RSRP1: variants seen among roughly 807,000 people sequenced by gnomAD.
RSRP1 encodes the protein arginine/serine-rich protein 1.
In RSRP1, 37 loss-of-function variants were observed where a neutral mutation model predicts 33.0. The observed-to-expected ratio is 1.12, with a 90% CI of 0.86 to 1.48. The LOEUF (loss-of-function observed/expected upper bound fraction) is 1.48. Ranked by LOEUF, RSRP1 falls within the 40% of genes most tolerant of loss-of-function variation. The pLI is 0.00. For missense variants in RSRP1, 402 were observed against 385.3 expected (o/e 1.04, Z -0.36); for synonymous variants, 167 against 158.7 (o/e 1.05, Z -0.40).
chr1:25,261,149 C>A (rs1021209705), intron 1 of RSRP1, among the ~76,000 whole-genome samples: 1 of 152,132 alleles, frequency 6.6e-6, no homozygotes, highest in African/African-American at 2.4e-5. Flanking sequence ...GGGCTCCACC[C>A]TCATGACCTC....
At chr1:25,285,145 T>C (rs552765155) in intron 1 of RSRP1, among the ~76,000 whole-genome samples, 1 of 133,248 alleles carries the variant, frequency 7.5e-6, no homozygotes, top group Admixed American at 7.2e-5. Context: ...TTTTTTTTTT[T>C]TTTTTTGAGA....
chr1:25,303,641 G>C (rs1187615750), intron 1 of RSRP1, among the ~76,000 whole-genome samples: 1 of 131,476 alleles, frequency 7.6e-6, no homozygotes, highest in African/African-American at 2.6e-5. Flanking sequence ...AGATGCTCGG[G>C]AGCAGGTGGC....
In RSRP1 at chr1:25,318,698, A is replaced by G. The variant is rs111463253; in HGVS notation, c.-67+19280T>C. On this transcript the variant is annotated intron_variant, in intron 1 of 1. Transcript: ENST00000561867. Reference sequence around the variant, plus strand: ...TATATGTGTCCCTAAGCAGGAGGTGAATGCCAAATAAGAGACAAATGGCGT... The same window carrying G: ...TATATGTGTCCCTAAGCAGGAGGTGGATGCCAAATAAGAGACAAATGGCGT... Among the ~76,000 whole-genome samples the G allele has an allele frequency of 1.1e-4, 15 of 133,186 alleles. 3 individuals carry two copies. Among genetic ancestry groups the G allele is most frequent in the African/African-American group, 2.5e-4 (10 of 39,222 alleles). The allele number at this position is 133,186 out of a possible 152,430, so 87.4% of individuals were successfully genotyped here.
Position 25,330,367 on chromosome 1 carries a change from C to A in RSRP1, c.-67+7611G>T, listed in dbSNP as rs1413091242. ...TGGGAAATCTTGTTTTGCCAATTTT[C>A]TTTGAAAATTCTGGCAGACCAAGGT... is the stretch of plus-strand genomic sequence containing the variant. On this transcript the variant is annotated intron_variant, in intron 1 of 1. Coordinates refer to the RSRP1 transcript ENST00000561867. The A allele has an allele frequency of 1.5e-5, 2 of 132,674 alleles. 1 individual carries two copies. The highest frequency in any genetic ancestry group is 3.6e-5 in the Non-Finnish European group (2 of 56,060). 8.2% of individuals were successfully genotyped at this position (132,674 alleles called of 1,614,324 possible).
At chr1:25,321,701 A>AATAAAATAAAATAAAATAAC (rs1644718733) in intron 1 of RSRP1, among the ~76,000 whole-genome samples, 1 of 128,454 alleles carries the variant, frequency 7.8e-6, no homozygotes, top group Admixed American at 7.7e-5. Flanking sequence ...AATAAAATAA[A>AATAAAATAAAATAAAATAAC]ATAAAATAGG....
chr1:25,288,340 CTT>C (rs1258431849), intron 1 of RSRP1, among the ~76,000 whole-genome samples: 16 of 113,410 alleles, frequency 1.4e-4, no homozygotes, highest in Admixed American at 2.6e-4. Context: ...CCACACCTAG[CTT>C]TTTTTTTTTT....
intron 1 of RSRP1, among the ~76,000 whole-genome samples, chr1:25,313,106 C>A (rs554790518): frequency 7.9e-6 from 1 of 126,796 alleles, no homozygotes; most frequent in African/African-American, 2.7e-5. Context: ...GGAGGTGAAG[C>A]CTTTGGGAGG....
chr1:25,252,626 T>C (rs1420924925), intron 1 of RSRP1, among the ~76,000 whole-genome samples: 1 of 151,242 alleles, frequency 6.6e-6, no homozygotes, highest in Non-Finnish European at 1.5e-5. Flanking sequence ...CTCCGCCTCC[T>C]GGGTTCAAGG....
intron 4 of RSRP1, among the ~76,000 whole-genome samples, chr1:25,242,963 G>A (rs906264559): frequency 4.3e-4 from 66 of 152,044 alleles, no homozygotes; most frequent in Non-Finnish European, 6.0e-4. Context: ...GGTGGCATGC[G>A]CCAGTAGTCT....
intron 1 of RSRP1, among the ~76,000 whole-genome samples, chr1:25,264,600 G>C (rs1426370414): frequency 6.6e-6 from 1 of 151,438 alleles, no homozygotes; most frequent in Non-Finnish European, 1.5e-5. Flanking sequence ...GACCTGTGAT[G>C]GGAGGGGTTG....
rs267598517 is a variant in RSRP1 at position 25,243,596 on chromosome 1, G to C, written c.710C>G (p.Pro237Arg). The C allele has an allele frequency of 1.2e-6, 2 of 1,613,652 alleles. No homozygotes were observed. Among genetic ancestry groups the C allele is most frequent in the East Asian group, 2.2e-5 (1 of 44,804 alleles). Residue 237 changes from proline (P) to arginine (R), a missense_variant, in exon 4 of 5, where the codon CCC becomes CGC. Physicochemically the swap from Pro to Arg is moderately radical, Grantham distance 103. Transcript: ENST00000243189. ...EKVTEDGTRN[P>R]NEKPTQQRSI... ...TCTTTGCTGGGTAGGTTTTTCATTG[G>C]GATTTCGAGTTCCATCTTCTGTTAC...
rs377496483 is a variant in RSRP1, at chr1:25,285,831, G to A, written c.-66-38802C>T. Among the ~76,000 whole-genome samples, 340 of 134,554 alleles carry A rather than the reference G, an allele frequency of 2.5e-3. 21 individuals are homozygous for A. Among genetic ancestry groups the A allele is most frequent in the South Asian group, 0.025 (114 of 4,512 alleles). 88.3% of individuals were successfully genotyped at this position (134,554 alleles called of 152,430 possible). A position where few individuals can be genotyped will look rare whatever the true frequency, so the allele number is the denominator to read the frequency against. On this transcript the variant is annotated intron_variant, in intron 1 of 1. Transcript: ENST00000561867. The stretch of plus-strand genomic sequence containing the variant: ...CTGTGCTGCCCAGATGATGGTAAAC[G>A]TCATCCTAGGCATCTTAGGGACCTC...
chr1:25,256,775 G>A (rs1026909063), intron 1 of RSRP1, among the ~76,000 whole-genome samples: 2 of 151,958 alleles, frequency 1.3e-5, no homozygotes, highest in Non-Finnish European at 2.9e-5. Context: ...GCCCCATCGA[G>A]ATCTCACAGG....
rs1402648117 is a variant in RSRP1 at position 25,285,153 on chromosome 1, A to G, written c.-66-38124T>C. Among the ~76,000 whole-genome samples, 2 of 116,044 alleles carry G rather than the reference A, an allele frequency of 1.7e-5. 1 individual carries two copies. The highest frequency in any genetic ancestry group is 3.8e-5 in the Non-Finnish European group (2 of 52,910). 76.1% of individuals were successfully genotyped at this position (116,044 alleles called of 152,430 possible). ...CATTCTATTTTTTTTTTTTTTTTTG[A>G]GACGGAGTTTCACTTTTGTTGCCCA... On this transcript the variant is annotated intron_variant, in intron 1 of 1. Coordinates refer to the RSRP1 transcript ENST00000561867.
intron 1 of RSRP1, among the ~76,000 whole-genome samples, chr1:25,254,166 A>G (rs1351628872): frequency 1.3e-5 from 2 of 152,052 alleles, no homozygotes; most frequent in Non-Finnish European, 2.9e-5. Flanking sequence ...ACCCCATAGG[A>G]GCTCACTCCA....
Position 25,311,480 on chromosome 1 carries a change from G to A in RSRP1, c.-67+26498C>T, listed in dbSNP as rs1487172058. Among the ~76,000 whole-genome samples, 10 of 129,470 alleles carry A rather than the reference G, an allele frequency of 7.7e-5. 2 individuals carry two copies. The highest frequency in any genetic ancestry group is 1.6e-4 in the African/African-American group (6 of 37,994). 84.9% of individuals were successfully genotyped at this position (129,470 alleles called of 152,430 possible). A position where few individuals can be genotyped will look rare whatever the true frequency, so the allele number is the denominator to read the frequency against. ...GCAGAGCTTGCAGTGAGCCAAGATC[G>A]CGCCACTGCACTCCAGCCTGGGCGA... is the stretch of plus-strand genomic sequence containing the variant. On this transcript the variant is annotated intron_variant, in intron 1 of 1. Coordinates refer to the RSRP1 transcript ENST00000561867.
At chr1:25,296,831 C>T (rs600203) in intron 1 of RSRP1, among the ~76,000 whole-genome samples, 1,916 of 124,406 alleles carry the variant, frequency 0.015, 265 homozygotes, top group Non-Finnish European at 0.024. Flanking sequence ...CTGAGGCCTC[C>T]CCGGCCATGC....
At position 25,314,342 on chromosome 1, in the gene RSRP1, GC is replaced by G. The variant is rs1644321740; in HGVS notation, c.-67+23635del. 1.5e-5 allele frequency among the ~76,000 whole-genome samples: 2 copies of G among 132,526 alleles called. 1 individual carries two copies. Among genetic ancestry groups the G allele is most frequent in the Non-Finnish European group, 3.6e-5 (2 of 55,940 alleles). The allele number at this position is 132,526 out of a possible 152,430, so 86.9% of individuals were successfully genotyped here. A position where few individuals can be genotyped will look rare whatever the true frequency, so the allele number is the denominator to read the frequency against. On this transcript the variant is annotated intron_variant, in intron 1 of 1. Coordinates refer to the RSRP1 transcript ENST00000561867. ...TAACTAAATGGAGCACTTTTAATAT[GC>G]TTTTTGGACAGTTGAATATCTTTTC... is the stretch of plus-strand genomic sequence containing the variant.
At chr1:25,285,700 C>T (rs1256850718) in intron 1 of RSRP1, among the ~76,000 whole-genome samples, 5 of 135,272 alleles carry the variant, frequency 3.7e-5, no homozygotes, top group Non-Finnish European at 8.8e-5. Flanking sequence ...GTGATGATTA[C>T]ACATCAAGCT....
Sources: gnomAD v4.1 joint callset for allele counts (sites outside exome capture counted in the v4.1 genomes callset) on GRCh38, gnomAD v4.1.1 for gene constraint, MANE v1.5 for transcripts, NCBI Gene and HGNC (gene_info 2026-07-23, HGNC 2026-07-21) for gene names.